Variants in ENO1 observed in about 807,000 individuals in gnomAD.
ENO1 encodes the protein enolase 1, also known as alpha-enolase.
Under a neutral mutation model 46.3 loss-of-function variants are expected in ENO1, and 33 were observed. The ratio of observed to expected loss-of-function variants is 0.71; its 90% CI spans 0.54 to 0.95. The LOEUF is 0.95. Ranked by LOEUF, ENO1 falls within the 40% of genes least tolerant of loss-of-function variation. The probability of loss-of-function intolerance (pLI) is 0.00; values close to 1 mark genes in which losing one functional copy is unlikely to be tolerated. For synonymous variants in ENO1, 220 were observed against 216.0 expected, an observed-to-expected ratio of 1.02 and a Z score of -0.16; for missense variants, 488 against 553.3, an observed-to-expected ratio of 0.88 and a Z score of 1.18.
chr1:8,871,856 C>T, intron 3 of ENO1, 35 bp downstream of exon 3: 2 of 1,603,668 alleles, frequency 1.2e-6, no homozygotes, highest in Non-Finnish European at 1.7e-6. Context: ...GGGCTGGAAG[C>T]AGGGAGGCCA....
Position 8,863,126 on chromosome 1 carries a change from C to T in ENO1, c.1176+109G>A, listed in dbSNP as rs894279235. The T allele has an allele frequency of 1.1e-5, 15 of 1,404,144 alleles. No homozygotes were observed. The Admixed American group carries it at 2.1e-4, about 19-fold the overall frequency. The allele number at this position is 1,404,144 out of a possible 1,614,324, so 87.0% of individuals were successfully genotyped here. On this transcript the variant is annotated intron_variant, in intron 10 of 11. Coordinates refer to ENST00000234590, the MANE Select transcript of ENO1 (RefSeq NM_001428.5). ...CTGTTCAGCCTCAGAAACAAGAGCA[C>T]TGACTCAGGGGACATGAGCAAAACG...
rs747530713 is a variant in ENO1, at chr1:8,866,305, G to A, written c.641C>T (p.Ala214Val). ...ATNVGDEGGF[A>V]PNILENKEGL... is the part of the protein sequence containing the mutation. The stretch of plus-strand genomic sequence containing the variant: ...TTCTTTATTCTCCAGGATGTTGGGA[G>A]CAAACCCGCCTTCATCCCCCACATT... Residue 214 changes from alanine (A) to valine (V), a missense_variant, in exon 7 of 12, where the codon GCT (alanine) becomes GTT (valine). Coordinates refer to ENST00000234590, the MANE Select transcript of ENO1 (RefSeq NM_001428.5). The A allele has an allele frequency of 6.2e-6, 10 of 1,614,088 alleles. No individual in the cohort carries two copies. The highest frequency in any genetic ancestry group is 8.5e-6 in the Non-Finnish European group (10 of 1,180,028).
intron 11 of ENO1, among the ~76,000 whole-genome samples, chr1:8,862,603 T>C (rs1465166629): frequency 1.3e-5 from 2 of 152,170 alleles, no homozygotes; most frequent in South Asian, 4.1e-4. Flanking sequence ...AAGAAAGTCA[T>C]GCATCAGCTG....
intron 4 of ENO1, chr1:8,870,089 G>C (rs149337869): frequency 2.7e-4 from 62 of 228,358 alleles, no homozygotes; most frequent in African/African-American, 1.3e-3. Context: ...TAGAATTATA[G>C]TAAATAATTC....
intron 4 of ENO1, among the ~76,000 whole-genome samples, chr1:8,869,499 A>G (rs1642587728): frequency 6.6e-6 from 1 of 152,106 alleles, no homozygotes; most frequent in African/African-American, 2.4e-5. Flanking sequence ...CATGGAGGAG[A>G]GGGACTAGAT....
intron 2 of ENO1, 51 bp downstream of exon 2, chr1:8,874,773 A>T (rs761610959): frequency 4.0e-5 from 61 of 1,527,464 alleles, no homozygotes; most frequent in Middle Eastern, 4.1e-4. Flanking sequence ...GAAAATTTTT[A>T]AAATGAAGCA....
intron 2 of ENO1, 144 bp downstream of exon 2, chr1:8,874,680 C>G: frequency 1.8e-6 from 1 of 541,336 alleles, no homozygotes; most frequent in Non-Finnish European, 3.1e-6. Flanking sequence ...CCCTCACAGT[C>G]AGGAATCACA....
rs70985533 is a variant in ENO1, at chr1:8,866,076, CAAAAAAAAA to C, written c.667+194_667+202del. On this transcript the variant is annotated intron_variant, in intron 7 of 11. Transcript: ENST00000234590. ...AGCCTGGGCGACAGAGACTCCATCTCAAAAAAAAAAAAAAAAAGAAAAAAATAAGTAAAA... is the reference window on the plus strand; with the variant it reads ...AGCCTGGGCGACAGAGACTCCATCTCAAAAAAAAGAAAAAAATAAGTAAAA... 3.0e-5 allele frequency: 11 copies of C among 365,556 alleles called. No individual in the cohort carries two copies. The Admixed American group carries it at 5.4e-4, about 18-fold the overall frequency. The allele number at this position is 365,556 out of a possible 1,614,324, so 22.6% of individuals were successfully genotyped here. A position where few individuals can be genotyped will look rare whatever the true frequency, so the allele number is the denominator to read the frequency against.
In ENO1 at chr1:8,878,449, C is replaced by T. The variant is rs29000588; in HGVS notation, c.-10+131G>A. ...CGCCAGTTCCCACCCAGGGAGGCGGCTTGCACGTGCCCCCGACCCCGCCAC... is the reference window on the plus strand; with the variant it reads ...CGCCAGTTCCCACCCAGGGAGGCGGTTTGCACGTGCCCCCGACCCCGCCAC... On this transcript the variant is annotated intron_variant, in intron 1 of 11. Transcript: ENST00000234590. 5 of 353,384 alleles carry T rather than the reference C, an allele frequency of 1.4e-5. 1 individual carries two copies. The highest frequency in any genetic ancestry group is 1.0e-4 in the South Asian group (5 of 48,836). The allele number at this position is 353,384 out of a possible 1,614,324, so 21.9% of individuals were successfully genotyped here. A position where few individuals can be genotyped will look rare whatever the true frequency, so the allele number is the denominator to read the frequency against.
Position 8,875,013 on chromosome 1 carries a change from G to A in ENO1, c.-9-96C>T, listed in dbSNP as rs113341251. 1,165 of 1,020,452 alleles carry A rather than the reference G, an allele frequency of 1.1e-3. 8 individuals are homozygous for A. The highest frequency in any genetic ancestry group is 8.6e-3 in the African/African-American group (541 of 62,910). 63.2% of individuals were successfully genotyped at this position (1,020,452 alleles called of 1,614,324 possible). A position where few individuals can be genotyped will look rare whatever the true frequency, so the allele number is the denominator to read the frequency against. ...TCACTTCCGAGGTTCGTGGACTAGA[G>A]AGAATCAGCACTGGACTAAATACTG... On this transcript the variant is annotated intron_variant, in intron 1 of 11. Transcript: ENST00000234590.
intron 1 of ENO1, chr1:8,876,131 AAACT>A (rs1161923932): frequency 6.6e-5 from 10 of 152,344 alleles, no homozygotes. Flanking sequence ...CTCTCCAAAG[AAACT>A]AACTGAACAA....
At chr1:8,875,040 AT>A in intron 1 of ENO1, 123 bp from the exon 2 acceptor site, 1 of 721,814 alleles carries the variant, frequency 1.4e-6, no homozygotes, top group Non-Finnish European at 2.2e-6. Flanking sequence ...TAAATACTGG[AT>A]GTAGGAAAGC....
intron 8 of ENO1, among the ~76,000 whole-genome samples, 186 bp downstream of exon 8, chr1:8,865,099 C>A (rs1642482263): frequency 6.6e-6 from 1 of 152,182 alleles, no homozygotes; most frequent in East Asian, 1.9e-4. Flanking sequence ...TACACAAGAA[C>A]CTCTGTGAAG....
chr1:8,878,483 T>G, intron 1 of ENO1, 97 bp downstream of exon 1: 3 of 385,638 alleles, frequency 7.8e-6, no homozygotes, highest in Non-Finnish European at 1.6e-5. Context: ...ACGCTGGGCC[T>G]GCGGGCGCGC....
At chr1:8,865,123 C>A (rs928117663) in intron 8 of ENO1, among the ~76,000 whole-genome samples, 162 bp downstream of exon 8, 1 of 152,200 alleles carries the variant, frequency 6.6e-6, no homozygotes, top group African/African-American at 2.4e-5. Context: ...TGTGTATGCA[C>A]AACTGGGGGC....
At chr1:8,870,951 C>T (rs1349628940) in intron 3 of ENO1, 23 of 1,247,200 alleles carry the variant, frequency 1.8e-5, no homozygotes, top group Middle Eastern at 3.1e-4. Flanking sequence ...TTAAGGACTG[C>T]GAGTGAGAGA....
intron 11 of ENO1, among the ~76,000 whole-genome samples, chr1:8,861,798 G>T (rs1642410667): frequency 6.8e-6 from 1 of 147,052 alleles, no homozygotes. Context: ...ATATTGAAGG[G>T]ACAACAAATA....
rs759578307 is a variant in ENO1 at position 8,862,852 on chromosome 1, AC to A, written c.1235+34del. ...CTGAGTGCAGGCCCCCACCTAGTGA[AC>A]CACAGGCCCCTTGTTCTCAGGAGCC... is the stretch of plus-strand genomic sequence containing the variant. On this transcript the variant is annotated intron_variant, in intron 11 of 11. Coordinates refer to ENST00000234590, the MANE Select transcript of ENO1 (RefSeq NM_001428.5). 5 of 1,610,584 alleles carry A rather than the reference AC, an allele frequency of 3.1e-6. 1 individual carries two copies. In the South Asian group the frequency reaches 3.3e-5, roughly 11 times the overall value.
chr1:8,866,791 G>A (rs962412861), intron 6 of ENO1, among the ~76,000 whole-genome samples: 7 of 152,172 alleles, frequency 4.6e-5, no homozygotes, highest in African/African-American at 7.2e-5. Flanking sequence ...ACAGGTGTGC[G>A]CTACTGCAAC....
Sources: allele counts gnomAD v4.1 joint callset (sites outside exome capture counted in the v4.1 genomes callset), GRCh38; gene constraint gnomAD v4.1.1; transcripts MANE v1.5; gene names NCBI Gene and HGNC (gene_info 2026-07-23, HGNC 2026-07-21).